The following KIAA0319L variants were observed in gnomAD, a reference collection of about 807,000 sequenced individuals.
KIAA0319L encodes dyslexia-associated protein KIAA0319-like protein.
KIAA0319L carries 55 observed loss-of-function variants against 120.1 expected under a neutral mutation model. That is an observed-to-expected ratio of 0.46 (90% CI 0.37 to 0.57). The LOEUF (loss-of-function observed/expected upper bound fraction) is 0.57, where lower values mean the gene tolerates loss of function less well. Among genes scored for constraint, KIAA0319L ranks in the 20% least tolerant of loss-of-function variants. KIAA0319L has a pLI of 0.00. For synonymous variants in KIAA0319L, 398 were observed against 471.9 expected (o/e 0.84, Z 2.03); for missense variants, 1,049 against 1,255.3 (o/e 0.84, Z 2.48).
intron 6 of KIAA0319L, among the ~76,000 whole-genome samples, chr1:35,469,480 C>T (rs1481431827): frequency 1.3e-5 from 2 of 152,132 alleles, no homozygotes; most frequent in Non-Finnish European, 2.9e-5. Context: ...GCATATAAGG[C>T]TTTTGCTCCA....
intron 6 of KIAA0319L, among the ~76,000 whole-genome samples, chr1:35,470,454 C>T (rs1335352476): frequency 4.9e-5 from 7 of 141,588 alleles, no homozygotes. Context: ...GATCACACCA[C>T]TGCACTTCGG....
At chr1:35,465,047 G>A (rs895304036) in intron 7 of KIAA0319L, among the ~76,000 whole-genome samples, 2 of 152,250 alleles carry the variant, frequency 1.3e-5, no homozygotes, top group Admixed American at 6.5e-5. Context: ...GGCTCTCATG[G>A]AGAACCTCTG....
At chr1:35,500,269 A>G (rs1644957681) in intron 3 of KIAA0319L, among the ~76,000 whole-genome samples, 2 of 152,204 alleles carry the variant, frequency 1.3e-5, no homozygotes, top group South Asian at 4.1e-4. Context: ...TAAGCTGTAC[A>G]CATTCTTATA....
chr1:35,548,313 C>T (rs1222861146), intron 2 of KIAA0319L, among the ~76,000 whole-genome samples: 3 of 151,966 alleles, frequency 2.0e-5, no homozygotes, highest in Non-Finnish European at 1.5e-5. Flanking sequence ...TAACCCTGAC[C>T]TCCCTCCCTT....
chr1:35,522,272 A>G (rs1558579916), intron 2 of KIAA0319L, among the ~76,000 whole-genome samples: 15 of 151,950 alleles, frequency 9.9e-5, no homozygotes, highest in Non-Finnish European at 1.5e-5. Context: ...TTATCTATTT[A>G]TTTGTTTGTT....
Position 35,507,078 on chromosome 1 carries a change from G to T in KIAA0319L, c.200C>A (p.Ser67Tyr). 1.9e-6 allele frequency: 3 copies of T among 1,563,406 alleles called. No homozygotes were observed. The highest frequency in any genetic ancestry group is 1.2e-5 in the South Asian group (1 of 82,272). The change falls in exon 3 of 21, where the codon TCT (serine) becomes TAT (tyrosine). Residue 67 changes from serine to tyrosine, a missense_variant. Coordinates refer to ENST00000325722, the MANE Select transcript of KIAA0319L (RefSeq NM_024874.5). ...AAGCCAGAGGTGATTTTCTCCCCCA[G>T]ATCTCAGGCCAACTCCAAATTGTGT... ...GKTQFGVGLR[S>Y]GGENHLWLLE...
intron 3 of KIAA0319L, among the ~76,000 whole-genome samples, chr1:35,483,640 T>C (rs540620383): frequency 1.5e-4 from 23 of 152,342 alleles, no homozygotes; most frequent in African/African-American, 3.6e-4. Context: ...GTAAGTCTTC[T>C]AGCTAGATAG....
At chr1:35,455,630 G>T (rs1468798739) in intron 10 of KIAA0319L, among the ~76,000 whole-genome samples, 1 of 145,176 alleles carries the variant, frequency 6.9e-6, no homozygotes, top group Non-Finnish European at 1.5e-5. Flanking sequence ...ACCCAGGCTG[G>T]AGTGCAATGG....
intron 2 of KIAA0319L, among the ~76,000 whole-genome samples, chr1:35,534,875 A>G (rs1419284132): frequency 1.9e-4 from 29 of 149,578 alleles, no homozygotes; most frequent in Non-Finnish European, 3.4e-4. Flanking sequence ...AAAAAAAAAA[A>G]AAAAAAAAGA....
chr1:35,459,489 C>T (rs963013891), intron 9 of KIAA0319L, among the ~76,000 whole-genome samples: 3 of 151,200 alleles, frequency 2.0e-5, no homozygotes, highest in African/African-American at 7.3e-5. Flanking sequence ...CCCAGCTACT[C>T]GGGAGGCTGA....
At chr1:35,537,242 T>C (rs1558634719) in intron 2 of KIAA0319L, among the ~76,000 whole-genome samples, 1 of 152,176 alleles carries the variant, frequency 6.6e-6, no homozygotes. Flanking sequence ...CTGCAGTTGA[T>C]TGCCATTTCT....
At chr1:35,448,079 C>A (rs1641770436) in intron 16 of KIAA0319L, 94 bp downstream of exon 16, 1 of 1,247,786 alleles carries the variant, frequency 8.0e-7, no homozygotes, top group Admixed American at 2.4e-5. Context: ...GAAAGCCCAC[C>A]TTTCTCTATC....
At position 35,449,924 on chromosome 1, in the gene KIAA0319L, C is replaced by G; in HGVS notation, c.2296G>C (p.Val766Leu). The stretch of plus-strand genomic sequence containing the variant: ...TCACTCTCACCCTTTGCATCGGTCA[C>G]TTTCAGGTGAAAAGTGTAGGTTCCC... The part of the protein sequence containing the change: ...VEGTYTFHLK[V>L]TDAKGESDTD... The change falls in exon 15 of 21, where the codon GTG becomes CTG. Residue 766 changes from valine (V) to leucine (L), a missense_variant. By Grantham distance (32) the Val-to-Leu change is conservative. Coordinates refer to ENST00000325722, the MANE Select transcript of KIAA0319L (RefSeq NM_024874.5). 1 of 1,614,154 alleles carries G rather than the reference C, an allele frequency of 6.2e-7. No individual in the cohort carries two copies. Among genetic ancestry groups the G allele is most frequent in the Non-Finnish European group, 8.5e-7 (1 of 1,180,012 alleles).
At chr1:35,456,960 G>GAAGC (rs1357874076) in intron 9 of KIAA0319L, among the ~76,000 whole-genome samples, 1 of 146,536 alleles carries the variant, frequency 6.8e-6, no homozygotes, top group Non-Finnish European at 1.5e-5. Flanking sequence ...AGGAAGGAAG[G>GAAGC]AAGCAAGCTT....
intron 16 of KIAA0319L, among the ~76,000 whole-genome samples, chr1:35,446,358 C>T (rs1641622444): frequency 6.6e-6 from 1 of 152,164 alleles, no homozygotes; most frequent in Admixed American, 6.5e-5. Flanking sequence ...AAAAGATGTT[C>T]ATGTTCCACA....
intron 2 of KIAA0319L, among the ~76,000 whole-genome samples, chr1:35,507,838 T>G (rs1261635180): frequency 6.6e-6 from 1 of 152,162 alleles, no homozygotes; most frequent in African/African-American, 2.4e-5. Context: ...TGATAAGAAA[T>G]AATGGAACCT....
At chr1:35,461,296 G>C (rs147399018) in intron 8 of KIAA0319L, among the ~76,000 whole-genome samples, 2 of 151,984 alleles carry the variant, frequency 1.3e-5, no homozygotes, top group African/African-American at 2.4e-5. Context: ...GACAAACCCC[G>C]TCTCTATTAA....
intron 6 of KIAA0319L, among the ~76,000 whole-genome samples, chr1:35,470,211 G>A (rs1643531174): frequency 6.6e-6 from 1 of 151,940 alleles, no homozygotes; most frequent in Non-Finnish European, 1.5e-5. Context: ...ACTGTACTTA[G>A]GCTGGGCATG....
At chr1:35,550,810 C>T (rs1052043880) in intron 2 of KIAA0319L, among the ~76,000 whole-genome samples, 2 of 152,140 alleles carry the variant, frequency 1.3e-5, no homozygotes, top group Admixed American at 1.3e-4. Flanking sequence ...TCAAGCAATC[C>T]TCCCATCTTA....
Sources: allele counts gnomAD v4.1 joint callset (sites outside exome capture counted in the v4.1 genomes callset), GRCh38; gene constraint gnomAD v4.1.1; transcripts MANE v1.5; gene names NCBI Gene and HGNC (gene_info 2026-07-23, HGNC 2026-07-21).